FAM83A: variants seen among roughly 807,000 people sequenced by gnomAD.
FAM83A encodes the protein scaffolding CK1 anchoring protein A, also known as protein FAM83A.
In FAM83A, 21 loss-of-function variants were observed where a neutral mutation model predicts 24.4. The ratio of observed to expected loss-of-function variants is 0.86; its 90% confidence interval spans 0.61 to 1.24. The LOEUF (loss-of-function observed/expected upper bound fraction) is 1.24. Among genes scored for constraint, FAM83A ranks in the 50% most tolerant of loss-of-function variants. The pLI, the probability that FAM83A is intolerant of heterozygous loss-of-function variation, is 0.00. For synonymous variants in FAM83A, 270 were observed against 252.4 expected, an observed-to-expected ratio of 1.07 and a Z score of -0.66; for missense variants, 617 against 579.8, an observed-to-expected ratio of 1.06 and a Z score of -0.66.
intron 3 of FAM83A, among the ~76,000 whole-genome samples, chr8:123,198,304 G>A (rs973670620): frequency 2.0e-5 from 3 of 152,130 alleles, no homozygotes; most frequent in African/African-American, 7.2e-5. Context: ...CCCACTAGCT[G>A]CATTGCACAC....
intron 1 of FAM83A, among the ~76,000 whole-genome samples, chr8:123,189,082 T>C (rs531693809): frequency 2.2e-4 from 33 of 152,350 alleles, no homozygotes; most frequent in African/African-American, 7.7e-4. Flanking sequence ...TGTCAATACC[T>C]TGGAAGAGGA....
At chr8:123,208,129 AAG>A (rs1163083711) in exon 4 of FAM83A, 1 of 998,368 alleles carries the variant, frequency 1.0e-6, no homozygotes, top group African/African-American at 1.7e-5. Flanking sequence ...GTCCACTCCC[AAG>A]AAATTCAGGA....
intron 1 of FAM83A, among the ~76,000 whole-genome samples, chr8:123,183,976 G>T (rs1299658899): frequency 6.6e-6 from 1 of 152,128 alleles, no homozygotes; most frequent in African/African-American, 2.4e-5. Flanking sequence ...GATTACAGGT[G>T]TGAGCCCCAG....
chr8:123,194,032 C>T, exon 3 of FAM83A: 1 of 1,614,152 alleles, frequency 6.2e-7, no homozygotes, highest in Non-Finnish European at 8.5e-7. Flanking sequence ...AGAACATTTC[C>T]ATCCGGAGTG....
upstream of FAM83A, chr8:123,182,570 GC>G (rs747605371): frequency 5.8e-5 from 36 of 625,582 alleles, no homozygotes; most frequent in Non-Finnish European, 8.9e-5. Context: ...ATATCCCATG[GC>G]TGACTGTGCC....
chr8:123,200,966 A>AT (rs1401338249), intron 3 of FAM83A, among the ~76,000 whole-genome samples: 1,753 of 144,984 alleles, frequency 0.012, 38 homozygotes, highest in African/African-American at 0.041. Flanking sequence ...ACAAAAAAAA[A>AT]AAATATATAT....
intron 1 of FAM83A, among the ~76,000 whole-genome samples, chr8:123,188,608 C>T (rs1409944323): frequency 6.6e-6 from 1 of 152,004 alleles, no homozygotes; most frequent in Non-Finnish European, 1.5e-5. Context: ...CCCAGCCTCC[C>T]AAGTAGCCGG....
At chr8:123,179,535 G>A (rs1483961107), upstream of FAM83A, 1 of 152,158 alleles carries the variant, frequency 6.6e-6, no homozygotes, top group Admixed American at 6.5e-5. Flanking sequence ...CCTATAAAGA[G>A]TGGCAACAGA....
At chr8:123,203,532 G>A (rs1824430602) in intron 3 of FAM83A, among the ~76,000 whole-genome samples, 1 of 142,470 alleles carries the variant, frequency 7.0e-6, no homozygotes, top group Non-Finnish European at 1.5e-5. Flanking sequence ...AGGTTGCAGT[G>A]AGCTGAGATC....
At chr8:123,191,758 C>T in intron 1 of FAM83A, 45 bp from the exon 2 acceptor site, 1 of 1,602,456 alleles carries the variant, frequency 6.2e-7, no homozygotes, top group Non-Finnish European at 8.5e-7. Flanking sequence ...CAGTTAGCAC[C>T]TGCCCCTGAC....
At chr8:123,207,163 C>T in exon 4 of FAM83A, 1 of 1,582,562 alleles carries the variant, frequency 6.3e-7, no homozygotes, top group African/African-American at 1.4e-5. Flanking sequence ...CCAGCTTCAC[C>T]TGGCTCTGCG....
chr8:123,207,831 GC>G, exon 4 of FAM83A: 2 of 1,391,714 alleles, frequency 1.4e-6, no homozygotes, highest in East Asian at 2.8e-5. Flanking sequence ...ATGTTCCCAG[GC>G]CCCAGGCCAT....
rs1225432298 is a variant in FAM83A, at chr8:123,183,073, GCC to G, written c.219_220del (p.Gln74GlyfsTer19). The G allele has an allele frequency of 6.2e-7, 1 of 1,613,756 alleles. No individual in the cohort carries two copies. Among genetic ancestry groups the G allele is most frequent in the Non-Finnish European group, 8.5e-7 (1 of 1,179,874 alleles). ...CTCGGTGGAGGCCCAGTACATCCAG[GCC>G]CAGGCCAGGGAGCCCCCGTGTCCCC... On this transcript the variant is annotated frameshift_variant, in exon 1 of 4. Coordinates refer to ENST00000690554, the Ensembl canonical transcript of FAM83A. LOFTEE classifies it high-confidence loss of function.
rs1823980597 is a variant in FAM83A, at chr8:123,191,710, T to C, written c.481-93T>C. ...CCCTCTGGCCCAATGGGAACAGCTC[T>C]CCCAGGCCCACTGGGACTCAGGCAG... On this transcript the variant is annotated intron_variant, in intron 1 of 3. Coordinates refer to ENST00000690554, the Ensembl canonical transcript of FAM83A. 6 of 1,378,366 alleles carry C rather than the reference T, an allele frequency of 4.4e-6. No individual in the cohort carries two copies. In the East Asian group the frequency reaches 1.4e-4, roughly 32 times the overall value. 85.4% of individuals were successfully genotyped at this position (1,378,366 alleles called of 1,614,324 possible).
At chr8:123,206,554 TACCCTAAGCGCAG>T (rs1167737591) in intron 3 of FAM83A, among the ~76,000 whole-genome samples, 1 of 152,190 alleles carries the variant, frequency 6.6e-6, no homozygotes, top group Non-Finnish European at 1.5e-5. Context: ...GCTGGGTGAC[TACCCTAAGCGCAG>T]ACTCTGGGGG....
rs768375844 is a variant in FAM83A at position 123,207,636 on chromosome 8, C to G, written c.1253C>G (p.Pro418Arg). Residue 418 changes from proline (P) to arginine (R), a missense_variant, in exon 4 of 4, where the codon CCG (proline) becomes CGG (arginine). Physicochemically the swap from Pro to Arg is moderately radical, Grantham distance 103. Transcript: ENST00000690554. ...CAGCTGGAGCAGCTGGGCCTGGTGC[C>G]GAGGCTGACTCCAACCTGGAGGCCC... The G allele has an allele frequency of 5.2e-6, 8 of 1,546,822 alleles. No homozygotes were observed. In the Admixed American group the frequency reaches 7.9e-5, roughly 15 times the overall value.
chr8:123,200,555 G>A (rs1244231040), intron 3 of FAM83A, among the ~76,000 whole-genome samples: 1 of 152,182 alleles, frequency 6.6e-6, no homozygotes, highest in African/African-American at 2.4e-5. Flanking sequence ...GGCGGCTCAT[G>A]CCTGTAATCC....
intron 2 of FAM83A, among the ~76,000 whole-genome samples, chr8:123,192,580 C>A (rs991614261): frequency 6.6e-6 from 1 of 152,224 alleles, no homozygotes; most frequent in African/African-American, 2.4e-5. Context: ...GAACACCACC[C>A]ATAGCTTTCA....
Position 123,209,366 on chromosome 8 carries a change from TTTATTA to T in FAM83A, c.*1694_*1699del, listed in dbSNP as rs371810691. On this transcript the variant is annotated 3_prime_UTR_variant, in exon 4 of 4. Coordinates refer to ENST00000690554, the Ensembl canonical transcript of FAM83A. The surrounding 1 kb of genome is among the most constrained non-coding windows in gnomAD (Gnocchi z 4.7). ...TGGGGCATCTTGGCTTCTGGTTTCT[TTTATTA>T]TTATTATTATTATTAATTATTGTAT... is the stretch of plus-strand genomic sequence containing the variant. 4.3e-5 allele frequency: 63 copies of T among 1,469,062 alleles called. 2 individuals carry two copies. The East Asian group carries it at 4.8e-4, about 11-fold the overall frequency. The allele number at this position is 1,469,062 out of a possible 1,614,324, so 91.0% of individuals were successfully genotyped here. A position where few individuals can be genotyped will look rare whatever the true frequency, so the allele number is the denominator to read the frequency against.
Sources: gnomAD v4.1 joint callset for allele counts (sites outside exome capture counted in the v4.1 genomes callset) on GRCh38, gnomAD v4.1.1 for gene constraint, Gnocchi (gnomAD v3.1) non-coding constraint, MANE v1.5 for transcripts, NCBI Gene and HGNC (gene_info 2026-07-23, HGNC 2026-07-21) for gene names.